KCTD2: variants seen among roughly 807,000 people sequenced by gnomAD.
KCTD2 encodes BTB/POZ domain-containing protein KCTD2.
A neutral mutation model predicts 27.9 loss-of-function variants in KCTD2; 18 were observed. That is an observed-to-expected ratio of 0.64 (90% confidence interval 0.45 to 0.96). The LOEUF (loss-of-function observed/expected upper bound fraction) is 0.96, where lower values mean the gene tolerates loss of function less well. Ranked by LOEUF, KCTD2 falls within the 40% of genes least tolerant of loss-of-function variation. The pLI is 0.00. For missense variants in KCTD2, 280 were observed against 348.0 expected (o/e 0.80, Z 1.56); for synonymous variants, 175 against 148.4 (o/e 1.18, Z -1.30).
chr17:75,052,975 C>T (rs370502067), intron 2 of KCTD2, 39 bp from the exon 3 acceptor site: 7 of 1,487,908 alleles, frequency 4.7e-6, no homozygotes, highest in African/African-American at 4.1e-5. Context: ...TCTGGCAAAC[C>T]CTCGCACCTA....
intron 2 of KCTD2, among the ~76,000 whole-genome samples, chr17:75,050,287 T>G (rs1176622270): frequency 1.3e-5 from 2 of 150,050 alleles, no homozygotes; most frequent in Admixed American, 6.7e-5. Context: ...GAGATTTTTC[T>G]TTTTTTTTTC....
chr17:75,062,478 C>T (rs937477401), intron 5 of KCTD2, among the ~76,000 whole-genome samples: 1 of 152,108 alleles, frequency 6.6e-6, no homozygotes, highest in African/African-American at 2.4e-5. Context: ...TTTCTCCATC[C>T]TCTGCCAAAT....
At chr17:75,039,497 G>A (rs1029270150) in intron 3 of KCTD2, 55 of 525,924 alleles carry the variant, frequency 1.0e-4, no homozygotes, top group Non-Finnish European at 2.7e-5. Flanking sequence ...GCACCCGGCT[G>A]CTTCTGCAAG....
chr17:75,053,075 G>A lies in KCTD2; in HGVS notation c.510G>A (p.Arg170=), dbSNP rs768314674. 11 of 1,613,908 alleles carry A rather than the reference G, an allele frequency of 6.8e-6. No individual in the cohort carries two copies. The highest frequency in any genetic ancestry group is 9.3e-6 in the Non-Finnish European group (11 of 1,179,932). The change falls in exon 3 of 6, where the codon AGG becomes AGA. Residue 170 remains arginine (R), a synonymous_variant. Coordinates refer to ENST00000322444, the MANE Select transcript of KCTD2 (RefSeq NM_015353.3). Reference sequence around the variant, plus strand: ...CCCTTGTGCGGCTGGTTAAGGAAAGGATACGGGACAATGAGAACAGAACTT... The same window carrying A: ...CCCTTGTGCGGCTGGTTAAGGAAAGAATACGGGACAATGAGAACAGAACTT... ...IASLVRLVKE[R]IRDNENRTSQ... is the part of the protein sequence containing the mutation.
chr17:75,048,580 C>A (rs898985502), intron 1 of KCTD2, among the ~76,000 whole-genome samples: 1 of 152,158 alleles, frequency 6.6e-6, no homozygotes, highest in South Asian at 2.1e-4. Flanking sequence ...TACTCTATAT[C>A]CTCCTTGTGG....
intron 3 of KCTD2, among the ~76,000 whole-genome samples, chr17:75,038,031 AGAGT>A (rs1241052195): frequency 6.6e-6 from 1 of 152,172 alleles, no homozygotes; most frequent in African/African-American, 2.4e-5. Context: ...CCTGGGCGAC[AGAGT>A]GAGACTCCAT....
At chr17:75,057,868 T>C (rs982773873) in intron 3 of KCTD2, among the ~76,000 whole-genome samples, 6 of 151,876 alleles carry the variant, frequency 4.0e-5, no homozygotes, top group Admixed American at 3.3e-4. Flanking sequence ...GCGATCGTTA[T>C]ACCTCTTTTG....
chr17:75,044,967 C>G (rs1190792913), upstream of KCTD2, among the ~76,000 whole-genome samples: 1 of 152,124 alleles, frequency 6.6e-6, no homozygotes, highest in Non-Finnish European at 1.5e-5. Flanking sequence ...ACCAGGGAAC[C>G]AAGCACCCTT....
intron 2 of KCTD2, among the ~76,000 whole-genome samples, chr17:75,034,818 G>A (rs2040098862): frequency 6.6e-6 from 1 of 152,058 alleles, no homozygotes; most frequent in Non-Finnish European, 1.5e-5. Flanking sequence ...AACTATGCTG[G>A]GATTCGGGCA....
At chr17:75,050,706 A>G (rs1021777392) in intron 2 of KCTD2, among the ~76,000 whole-genome samples, 2 of 152,224 alleles carry the variant, frequency 1.3e-5, no homozygotes, top group African/African-American at 2.4e-5. Context: ...GCCTTTAATT[A>G]AAAAAACTTT....
intron 2 of KCTD2, among the ~76,000 whole-genome samples, chr17:75,050,558 C>T (rs535480259): frequency 4.9e-4 from 75 of 152,250 alleles, no homozygotes; most frequent in African/African-American, 1.7e-3. Context: ...CCTCCGCGCC[C>T]GACCTGAGAT....
intron 1 of KCTD2, 34 bp from the exon 2 acceptor site, chr17:75,049,186 G>A (rs2073259917): frequency 3.8e-6 from 5 of 1,305,316 alleles, no homozygotes; most frequent in Non-Finnish European, 5.5e-6. Context: ...ACTCCTCAAA[G>A]GTCCACAATG....
chr17:75,047,584 G>A lies in KCTD2; in HGVS notation c.334G>A (p.Asp112Asn). The change falls in exon 1 of 6, where the codon GAC (aspartate) becomes AAC (asparagine). Residue 112 changes from aspartate to asparagine, a missense_variant. By Grantham distance (23) the Asp-to-Asn change is conservative (BLOSUM62 1). Transcript: ENST00000322444. ...CCAGGAGGACCCGGAGCTGGACTCA[G>A]ACAAGGTGTGCCCCGCCCTCGGGCG... ...CCQEDPELDS[D>N]KDETGAYLID... 6.2e-7 allele frequency: 1 copy of A among 1,608,504 alleles called. No homozygotes were observed. Among genetic ancestry groups the A allele is most frequent in the Non-Finnish European group, 8.5e-7 (1 of 1,177,852 alleles).
chr17:75,051,130 C>T (rs1355084640), intron 2 of KCTD2, among the ~76,000 whole-genome samples: 2 of 151,694 alleles, frequency 1.3e-5, no homozygotes, highest in Non-Finnish European at 2.9e-5. Flanking sequence ...CCCACCACCA[C>T]ACCCAGTTAA....
intron 5 of KCTD2, 30 bp downstream of exon 5, chr17:75,062,275 T>C: frequency 6.3e-7 from 1 of 1,594,736 alleles, no homozygotes; most frequent in South Asian, 1.1e-5. Context: ...GGCAGTTGCC[T>C]CTGGCTTGCT....
chr17:75,064,882 G>A lies in KCTD2; in HGVS notation c.*1835G>A, dbSNP rs2073441450. The stretch of plus-strand genomic sequence containing the variant: ...TTTGGAAGAGGCGCTCCTTGGCCAG[G>A]TCCAATGAGTAACATCAGACTGACA... On this transcript the variant is annotated 3_prime_UTR_variant, in exon 6 of 6. Coordinates refer to ENST00000322444, the MANE Select transcript of KCTD2 (RefSeq NM_015353.3). 6.6e-6 allele frequency: 1 copy of A among 152,210 alleles called. No individual in the cohort carries two copies. Among genetic ancestry groups the A allele is most frequent in the African/African-American group, 2.4e-5 (1 of 41,424 alleles). The allele number at this position is 152,210 out of a possible 1,614,324, so 9.4% of individuals were successfully genotyped here.
At chr17:75,048,772 A>G (rs1407509223) in intron 1 of KCTD2, 2 of 154,872 alleles carry the variant, frequency 1.3e-5, no homozygotes, top group East Asian at 1.9e-4. Context: ...ATTGCCAACT[A>G]CACAGAGGTT....
chr17:75,061,001 T>C (rs558114524), intron 4 of KCTD2, among the ~76,000 whole-genome samples: 20 of 152,150 alleles, frequency 1.3e-4, no homozygotes, highest in African/African-American at 4.6e-4. Flanking sequence ...TCGCCAAGAG[T>C]TTAATGCCCT....
rs1370824106 is a variant in KCTD2 at position 75,063,345 on chromosome 17, C to T, written c.*298C>T. The T allele has an allele frequency of 9.3e-6, 4 of 428,732 alleles. No individual in the cohort carries two copies. Among genetic ancestry groups the T allele is most frequent in the East Asian group, 8.5e-5 (2 of 23,440 alleles). 26.6% of individuals were successfully genotyped at this position (428,732 alleles called of 1,614,324 possible). A position where few individuals can be genotyped will look rare whatever the true frequency, so the allele number is the denominator to read the frequency against. ...GGCTGGGTTCCCAGTCGGAGCCTTT[C>T]GGGGATCTGGGGGATGAGGGCGGAA... is the stretch of plus-strand genomic sequence containing the variant. On this transcript the variant is annotated 3_prime_UTR_variant, in exon 6 of 6. Coordinates refer to ENST00000322444, the MANE Select transcript of KCTD2 (RefSeq NM_015353.3).
Sources: allele counts gnomAD v4.1 joint callset (sites outside exome capture counted in the v4.1 genomes callset), GRCh38; gene constraint gnomAD v4.1.1; transcripts MANE v1.5; gene names NCBI Gene and HGNC (gene_info 2026-07-23, HGNC 2026-07-21).